ATP10B: variants seen among roughly 807,000 people sequenced by gnomAD.
ATP10B encodes the protein ATPase phospholipid transporting 10B (putative).
A neutral mutation model predicts 141.2 loss-of-function variants in ATP10B; 122 were observed. The ratio of observed to expected loss-of-function variants is 0.86; its 90% CI spans 0.75 to 1.00. The LOEUF (loss-of-function observed/expected upper bound fraction) is 1.00. ATP10B is among the 50% of genes least tolerant of loss of function. The pLI, the probability that ATP10B is intolerant of heterozygous loss-of-function variation, is 0.00. For synonymous variants in ATP10B, 685 were observed against 692.0 expected (o/e 0.99, Z 0.16); for missense variants, 1,876 against 1,825.3 (o/e 1.03, Z -0.51).
chr5:160,755,824 AAAAAAAAAAAAAAAATAT>A (rs1295889769), intron 2 of ATP10B, among the ~76,000 whole-genome samples: 11 of 66,116 alleles, frequency 1.7e-4, no homozygotes, highest in South Asian at 9.5e-4. Context: ...CAAAAAAAAA[AAAAAAAAAAAAAAAATAT>A]ATATATATAT....
chr5:160,745,665 C>A (rs1188420044), intron 2 of ATP10B, among the ~76,000 whole-genome samples: 3 of 152,206 alleles, frequency 2.0e-5, no homozygotes, highest in Admixed American at 6.5e-5. Context: ...AACTTAGTGA[C>A]CCTGGACTGC....
intron 1 of ATP10B, among the ~76,000 whole-genome samples, chr5:160,800,691 A>G (rs981234700): frequency 4.6e-5 from 7 of 152,214 alleles, no homozygotes; most frequent in African/African-American, 1.7e-4. Flanking sequence ...TTTGGCTAAT[A>G]TAATTGGTTT....
chr5:160,648,276 A>G (rs1376946256), intron 8 of ATP10B, among the ~76,000 whole-genome samples: 1 of 152,204 alleles, frequency 6.6e-6, no homozygotes, highest in Non-Finnish European at 1.5e-5. Context: ...GGCTTTGAAC[A>G]TGGCCCAACA....
intron 7 of ATP10B, among the ~76,000 whole-genome samples, chr5:160,654,675 C>T (rs1221782662): frequency 3.3e-5 from 5 of 152,212 alleles, no homozygotes; most frequent in Admixed American, 6.5e-5. Context: ...CCATTCACAT[C>T]GTCAGATTCC....
rs1441018490 is a variant in ATP10B at position 160,620,502 on chromosome 5, G to A, written c.2261C>T (p.Thr754Ile). 2 of 1,614,222 alleles carry A rather than the reference G, an allele frequency of 1.2e-6. No homozygotes were observed. Among genetic ancestry groups the A allele is most frequent in the African/African-American group, 2.7e-5 (2 of 75,072 alleles). ...EQVTVRLPQG[T>I]CLTFSLLCTL... Reference sequence around the variant, plus strand: ...GCAGAGGAGGCTGAAGGTGAGGCAGGTGCCCTGGGGCAGGCGCACAGTCAC... The same window carrying A: ...GCAGAGGAGGCTGAAGGTGAGGCAGATGCCCTGGGGCAGGCGCACAGTCAC... Residue 754 changes from threonine to isoleucine, a missense_variant, in exon 15 of 26, where the codon ACC (threonine) becomes ATC (isoleucine). Coordinates refer to ENST00000327245, the MANE Select transcript of ATP10B (RefSeq NM_025153.3).
At chr5:160,667,568 T>C (rs1413363826) in intron 7 of ATP10B, among the ~76,000 whole-genome samples, 4 of 152,222 alleles carry the variant, frequency 2.6e-5, no homozygotes, top group South Asian at 2.1e-4. Flanking sequence ...ATAATCTTCC[T>C]TTCACATAGG....
At chr5:160,843,463 G>T (rs987941003) in intron 1 of ATP10B, among the ~76,000 whole-genome samples, 3 of 151,624 alleles carry the variant, frequency 2.0e-5, no homozygotes, top group African/African-American at 7.3e-5. Context: ...CAACAAAGAG[G>T]AGTATCTAAG....
intron 2 of ATP10B, among the ~76,000 whole-genome samples, chr5:160,768,136 T>C (rs1325911592): frequency 6.6e-6 from 1 of 152,162 alleles, no homozygotes; most frequent in Non-Finnish European, 1.5e-5. Flanking sequence ...ACCATCATTG[T>C]CATCTTCCTC....
the ATP10B span, among the ~76,000 whole-genome samples, chr5:160,904,272 C>T: frequency 6.6e-6 from 1 of 152,110 alleles, no homozygotes; most frequent in African/African-American, 2.4e-5. Context: ...TTTCCACTTC[C>T]TAGCTAGGTA....
chr5:160,812,859 A>G (rs756222043), intron 1 of ATP10B, among the ~76,000 whole-genome samples: 25 of 152,344 alleles, frequency 1.6e-4, no homozygotes, highest in Middle Eastern at 3.4e-3. Context: ...GGCTAACAGA[A>G]CTTCCCAAAT....
Position 160,634,412 on chromosome 5 carries a change from G to A in ATP10B, c.1323C>T (p.Asn441=). 3 of 1,614,196 alleles carry A rather than the reference G, an allele frequency of 1.9e-6. No homozygotes were observed. The highest frequency in any genetic ancestry group is 2.5e-6 in the Non-Finnish European group (3 of 1,180,032). Reference sequence around the variant, plus strand: ...TGGTGCAACGTCGGAACACCATCTTGTTCTCTGTCAGGGTCCCCGTCTTAT... The same window carrying A: ...TGGTGCAACGTCGGAACACCATCTTATTCTCTGTCAGGGTCCCCGTCTTAT... ...FSDKTGTLTE[N]KMVFRRCTIM... Residue 441 remains asparagine, a synonymous_variant, in exon 12 of 26, where the codon AAC becomes AAT. Transcript: ENST00000327245.
intron 15 of ATP10B, among the ~76,000 whole-genome samples, chr5:160,618,558 G>A (rs1181008236): frequency 3.3e-5 from 5 of 152,186 alleles, no homozygotes; most frequent in Admixed American, 6.5e-5. Context: ...CAAGAAATAC[G>A]TTTAGAGAAA....
chr5:160,661,208 A>G (rs953723088), intron 7 of ATP10B, among the ~76,000 whole-genome samples: 1 of 151,998 alleles, frequency 6.6e-6, no homozygotes, highest in Non-Finnish European at 1.5e-5. Context: ...ACAAAACAAA[A>G]CAACAACTAC....
intron 1 of ATP10B, among the ~76,000 whole-genome samples, chr5:160,811,300 G>C (rs1773135722): frequency 6.6e-6 from 1 of 152,116 alleles, no homozygotes; most frequent in Admixed American, 6.5e-5. Flanking sequence ...AAAAGCAGAG[G>C]GGAAAGTAAT....
intron 1 of ATP10B, among the ~76,000 whole-genome samples, chr5:160,813,685 C>T (rs1773344537): frequency 6.6e-6 from 1 of 152,222 alleles, no homozygotes; most frequent in African/African-American, 2.4e-5. Context: ...AGACTGCCTC[C>T]TCAAGTGGGT....
intron 7 of ATP10B, among the ~76,000 whole-genome samples, chr5:160,668,761 T>C (rs6556510): frequency 0.82 from 124,405 of 152,150 alleles, 51,198 homozygotes; most frequent in South Asian, 0.88. Flanking sequence ...CTTTATTCTG[T>C]TCTTTACTTT....
intron 1 of ATP10B, among the ~76,000 whole-genome samples, chr5:160,793,271 GCTGA>G (rs1771716913): frequency 6.6e-6 from 1 of 151,160 alleles, no homozygotes. Context: ...GCATTTCCTA[GCTGA>G]CTATTAACAA....
intron 6 of ATP10B, among the ~76,000 whole-genome samples, chr5:160,674,209 T>C (rs1762892783): frequency 6.6e-6 from 1 of 152,220 alleles, no homozygotes; most frequent in East Asian, 1.9e-4. Flanking sequence ...TTGGCCAGTA[T>C]CTGCATACAG....
intron 2 of ATP10B, among the ~76,000 whole-genome samples, chr5:160,730,127 AC>A (rs1054679547): frequency 3.3e-5 from 5 of 151,880 alleles, no homozygotes; most frequent in Admixed American, 3.3e-4. Context: ...GGCACTATGC[AC>A]GATGATTTAT....
Sources: allele counts gnomAD v4.1 joint callset (sites outside exome capture counted in the v4.1 genomes callset), GRCh38; gene constraint gnomAD v4.1.1; transcripts MANE v1.5; gene names NCBI Gene and HGNC (gene_info 2026-07-23, HGNC 2026-07-21).